Variants in ERC2 observed in about 807,000 individuals in gnomAD.
The protein encoded by ERC2 is ELKS/RAB6-interacting/CAST family member 2, also known as ERC protein 2.
Under a neutral mutation model 114.8 loss-of-function variants are expected in ERC2, and 42 were observed. The ratio of observed to expected loss-of-function variants is 0.37; its 90% CI spans 0.29 to 0.47. The LOEUF (loss-of-function observed/expected upper bound fraction) is 0.47. Among genes scored for constraint, ERC2 ranks in the 20% least tolerant of loss-of-function variants. The pLI is 0.99. For synonymous variants in ERC2, 454 were observed against 425.5 expected, an observed-to-expected ratio of 1.07 and a Z score of -0.82; for missense variants, 939 against 1,150.7, an observed-to-expected ratio of 0.82 and a Z score of 2.66.
chr3:55,725,015 A>G (rs1473791467), intron 15 of ERC2, among the ~76,000 whole-genome samples: 1 of 152,232 alleles, frequency 6.6e-6, no homozygotes, highest in Admixed American at 6.5e-5. Context: ...CACAGATGTG[A>G]AATTTGAATA....
intron 17 of ERC2, among the ~76,000 whole-genome samples, chr3:55,528,666 G>C (rs956424891): frequency 6.6e-6 from 1 of 152,120 alleles, no homozygotes; most frequent in African/African-American, 2.4e-5. Context: ...GGTACTGTCT[G>C]GTACAGACAC....
At chr3:56,439,318 G>T (rs1314518087) in intron 1 of ERC2, among the ~76,000 whole-genome samples, 1 of 152,164 alleles carries the variant, frequency 6.6e-6, no homozygotes, top group East Asian at 1.9e-4. Context: ...GGTGTCATGT[G>T]CCTGCAGTCC....
At chr3:56,368,954 A>C (rs2059258313) in intron 2 of ERC2, among the ~76,000 whole-genome samples, 2 of 152,200 alleles carry the variant, frequency 1.3e-5, no homozygotes, top group Non-Finnish European at 2.9e-5. Flanking sequence ...GCAGAATTCC[A>C]CAGAACTGGA....
At chr3:56,021,209 A>G (rs1179057823) in intron 7 of ERC2, among the ~76,000 whole-genome samples, 1 of 152,202 alleles carries the variant, frequency 6.6e-6, no homozygotes, top group Non-Finnish European at 1.5e-5. Flanking sequence ...AATTTGAAAC[A>G]TCTATAAACA....
At chr3:55,970,034 G>A (rs777166568) in intron 12 of ERC2, among the ~76,000 whole-genome samples, 5 of 152,148 alleles carry the variant, frequency 3.3e-5, no homozygotes, top group Admixed American at 6.5e-5. Flanking sequence ...ATTACCAAAA[G>A]AGAGGAAGCA....
intron 17 of ERC2, among the ~76,000 whole-genome samples, chr3:55,664,732 G>T (rs1233116078): frequency 6.6e-6 from 1 of 152,194 alleles, no homozygotes; most frequent in East Asian, 1.9e-4. Flanking sequence ...TTCAGGCGAG[G>T]TTGTGGGGAA....
At chr3:56,406,735 T>C (rs1204914404) in intron 2 of ERC2, among the ~76,000 whole-genome samples, 1 of 152,178 alleles carries the variant, frequency 6.6e-6, no homozygotes, top group Non-Finnish European at 1.5e-5. Context: ...ACAGTATTAT[T>C]GTGTTTATAG....
intron 17 of ERC2, among the ~76,000 whole-genome samples, chr3:55,649,411 C>A (rs543793265): frequency 2.0e-5 from 3 of 152,150 alleles, no homozygotes; most frequent in East Asian, 3.9e-4. Context: ...CAGGCGCGCA[C>A]CACCAGGTCT....
intron 14 of ERC2, among the ~76,000 whole-genome samples, chr3:55,834,407 G>T (rs950982645): frequency 1.5e-4 from 23 of 151,966 alleles, no homozygotes; most frequent in African/African-American, 5.5e-4. Flanking sequence ...TATAACAAAT[G>T]GTCTCTCAGA....
intron 6 of ERC2, among the ~76,000 whole-genome samples, chr3:56,128,381 T>C (rs930870497): frequency 6.6e-6 from 1 of 152,202 alleles, no homozygotes; most frequent in Non-Finnish European, 1.5e-5. Flanking sequence ...TAGGACCATG[T>C]AGGCAATTTA....
At chr3:56,070,513 A>C (rs2076685392) in intron 7 of ERC2, among the ~76,000 whole-genome samples, 1 of 149,844 alleles carries the variant, frequency 6.7e-6, no homozygotes, top group African/African-American at 2.4e-5. Flanking sequence ...ATAGAATATA[A>C]GGTCTTAACC....
chr3:55,618,156 G>T (rs1411643498), intron 17 of ERC2, among the ~76,000 whole-genome samples: 2 of 151,936 alleles, frequency 1.3e-5, no homozygotes, highest in African/African-American at 4.8e-5. Context: ...GGTTGTTTTT[G>T]TTGGTTTGTA....
At position 56,148,940 on chromosome 3, in the gene ERC2, C is replaced by A. The variant is rs745366849; in HGVS notation, c.1305+37G>T. ...TATGTAAACTGTAACTTTCTAGTCA[C>A]ATTAAGAACATAAAAGTTTATAACC... On this transcript the variant is annotated intron_variant, in intron 5 of 17. Transcript: ENST00000288221. 9 of 1,597,400 alleles carry A rather than the reference C, an allele frequency of 5.6e-6. No individual in the cohort carries two copies. The South Asian group carries it at 1.0e-4, about 18-fold the overall frequency.
At chr3:56,017,978 T>G (rs185359834) in intron 8 of ERC2, among the ~76,000 whole-genome samples, 6 of 152,152 alleles carry the variant, frequency 3.9e-5, no homozygotes. Flanking sequence ...GTTTCTTGGG[T>G]TTGGAGTCTA....
intron 17 of ERC2, among the ~76,000 whole-genome samples, chr3:55,598,735 T>C (rs904766441): frequency 3.3e-5 from 5 of 152,258 alleles, no homozygotes; most frequent in African/African-American, 1.2e-4. Flanking sequence ...ATGCCAGATG[T>C]ATTTGTTGGA....
intron 17 of ERC2, among the ~76,000 whole-genome samples, chr3:55,603,490 G>T (rs1339641040): frequency 6.6e-6 from 1 of 151,984 alleles, no homozygotes; most frequent in Non-Finnish European, 1.5e-5. Context: ...AAATTAGCCA[G>T]GCGTGGTGGT....
At chr3:55,607,480 C>T (rs2058688314) in intron 17 of ERC2, among the ~76,000 whole-genome samples, 2 of 152,104 alleles carry the variant, frequency 1.3e-5, no homozygotes, top group African/African-American at 4.8e-5. Context: ...CTACATCCAA[C>T]CAGAGCACCC....
chr3:56,056,825 C>T (rs2076035030), intron 7 of ERC2, among the ~76,000 whole-genome samples: 2 of 152,254 alleles, frequency 1.3e-5, no homozygotes, highest in South Asian at 4.2e-4. Flanking sequence ...CTTCCCTGGT[C>T]AATAGGCATA....
intron 3 of ERC2, among the ~76,000 whole-genome samples, chr3:56,210,239 T>C (rs537974848): frequency 1.3e-5 from 2 of 152,134 alleles, no homozygotes; most frequent in Non-Finnish European, 2.9e-5. Flanking sequence ...TTGTGTTTCC[T>C]TTAATAAAAA....
Sources: allele counts gnomAD v4.1 joint callset (sites outside exome capture counted in the v4.1 genomes callset), GRCh38; gene constraint gnomAD v4.1.1; transcripts MANE v1.5; gene names NCBI Gene and HGNC (gene_info 2026-07-23, HGNC 2026-07-21).